Variants in GRIA3 observed in about 807,000 individuals in gnomAD.
GRIA3 encodes the protein glutamate receptor 3.
GRIA3 carries 3 observed loss-of-function variants against 63.0 expected under a neutral mutation model. The observed-to-expected ratio is 0.05, with a 90% CI of 0.02 to 0.12. The LOEUF is 0.12. Ranked by LOEUF, GRIA3 falls within the 10% of genes least tolerant of loss-of-function variation. GRIA3 has a pLI of 1.00. For missense variants in GRIA3, 347 were observed against 700.9 expected (o/e 0.50, Z 5.70); for synonymous variants, 274 against 257.9 (o/e 1.06, Z -0.60).
At chrX:123,487,641 G>T (rs772842449) in intron 15 of GRIA3, among the ~76,000 whole-genome samples, 1 of 112,243 alleles carries the variant, frequency 8.9e-6, no homozygotes, top group African/African-American at 3.2e-5. Context: ...CTGAGAGGTT[G>T]GGTTCCTTTC....
chrX:123,318,632 C>T (rs966647708), intron 3 of GRIA3, among the ~76,000 whole-genome samples: 7 of 111,867 alleles, frequency 6.3e-5, no homozygotes, highest in Non-Finnish European at 1.3e-4. Flanking sequence ...GTGAGACCAC[C>T]TCAGCCTGGA....
intron 3 of GRIA3, among the ~76,000 whole-genome samples, chrX:123,303,327 A>C (rs1439222112): frequency 1.8e-5 from 2 of 110,694 alleles, no homozygotes; most frequent in Non-Finnish European, 3.8e-5. Context: ...ATGAAAGAAC[A>C]CTTCCGAAGA....
intron 5 of GRIA3, among the ~76,000 whole-genome samples, chrX:123,377,828 T>A (rs2045296790): frequency 8.9e-6 from 1 of 111,871 alleles, no homozygotes; most frequent in Admixed American, 9.5e-5. Context: ...TTTATATTGG[T>A]TTCAAGGATT....
At chrX:123,202,620 CT>C in intron 2 of GRIA3, 1 of 1,163,810 alleles carries the variant, frequency 8.6e-7, no homozygotes, top group Non-Finnish European at 1.1e-6. Flanking sequence ...TTCCCCTCAC[CT>C]TGTCACCCCC....
intron 10 of GRIA3, among the ~76,000 whole-genome samples, chrX:123,405,877 C>T (rs2045471006): frequency 8.9e-6 from 1 of 112,277 alleles, no homozygotes; most frequent in Non-Finnish European, 1.9e-5. Flanking sequence ...AGACTATGAA[C>T]TCCTCGAGGA....
chrX:123,253,691 TA>T (rs1359281137), intron 3 of GRIA3, 149 bp downstream of exon 3: 6 of 535,216 alleles, frequency 1.1e-5, no homozygotes, highest in Admixed American at 1.1e-4. Flanking sequence ...AGGTTAAGAT[TA>T]AAAAATAAAA....
At chrX:123,266,843 CT>C (rs1412066218) in intron 3 of GRIA3, among the ~76,000 whole-genome samples, 2 of 110,381 alleles carry the variant, frequency 1.8e-5, no homozygotes, top group Non-Finnish European at 3.8e-5. Context: ...AATACTTTTC[CT>C]TTTTTTAGCA....
intron 5 of GRIA3, among the ~76,000 whole-genome samples, chrX:123,372,227 T>C (rs2045251781): frequency 8.9e-6 from 1 of 111,806 alleles, no homozygotes; most frequent in Admixed American, 9.6e-5. Context: ...TTCTGTTACA[T>C]TGGTCTGTAT....
Position 123,202,320 on chromosome X carries a change from CAGA to C in GRIA3, c.268+16333_268+16335del, listed in dbSNP as rs1228483847. 6.2e-5 allele frequency among the ~76,000 whole-genome samples: 7 copies of C among 112,332 alleles called. No individual in the cohort carries two copies. In the East Asian group the frequency reaches 2.0e-3, roughly 31 times the overall value. On this transcript the variant is annotated intron_variant, in intron 2 of 15. Transcript: ENST00000620443. ...GACAACCTTTTCAACTTCAACAGCA[CAGA>C]AGGTTATTTTCAAAAGAAACAAGAA...
intron 2 of GRIA3, among the ~76,000 whole-genome samples, chrX:123,212,135 A>G: frequency 8.9e-6 from 1 of 112,284 alleles, no homozygotes; most frequent in Middle Eastern, 4.6e-3. Context: ...GACTTCACAC[A>G]GTTAAGTAAA....
chrX:123,451,877 A>G (rs1423982605), intron 12 of GRIA3, among the ~76,000 whole-genome samples: 1 of 111,805 alleles, frequency 8.9e-6, no homozygotes, highest in Non-Finnish European at 1.9e-5. Context: ...AGATGGATAA[A>G]TGAATCTAAA....
chrX:123,193,755 G>A (rs1383044516), intron 2 of GRIA3, among the ~76,000 whole-genome samples: 3 of 112,117 alleles, frequency 2.7e-5, no homozygotes, highest in Admixed American at 9.4e-5. Context: ...AAATGCAAGC[G>A]TGCTATCTGG....
At chrX:123,331,199 T>G (rs2147336189) in intron 4 of GRIA3, among the ~76,000 whole-genome samples, 1 of 111,760 alleles carries the variant, frequency 8.9e-6, no homozygotes, top group African/African-American at 3.2e-5. Flanking sequence ...ATGTATAATT[T>G]CCCCTTGAGA....
At position 123,217,353 on chromosome X, in the gene GRIA3, A is replaced by G. The variant is rs144254765; in HGVS notation, c.268+31363A>G. On this transcript the variant is annotated intron_variant, in intron 2 of 15. Coordinates refer to ENST00000620443, the MANE Select transcript of GRIA3 (RefSeq NM_007325.5). Reference sequence around the variant, plus strand: ...AATGGAGAAGAGGGTGGAGGAAAGAAGCAACAGACAGACAAACTCCCTGTC... The same window carrying G: ...AATGGAGAAGAGGGTGGAGGAAAGAGGCAACAGACAGACAAACTCCCTGTC... Among the ~76,000 whole-genome samples the G allele has an allele frequency of 2.8e-4, 31 of 111,760 alleles. No individual in the cohort carries two copies. In the East Asian group the frequency reaches 8.7e-3, roughly 32 times the overall value.
chrX:123,224,075 G>A (rs1285386135), intron 2 of GRIA3, among the ~76,000 whole-genome samples: 1 of 111,858 alleles, frequency 8.9e-6, no homozygotes, highest in African/African-American at 3.3e-5. Flanking sequence ...TTAGTTTTCA[G>A]TTCTCATTCT....
chrX:123,348,660 T>G (rs1321729032), intron 4 of GRIA3, among the ~76,000 whole-genome samples: 1 of 111,911 alleles, frequency 8.9e-6, no homozygotes, highest in Non-Finnish European at 1.9e-5. Context: ...TATTTACTGT[T>G]GGACCCATGA....
chrX:123,276,656 A>G (rs757300209), intron 3 of GRIA3, among the ~76,000 whole-genome samples: 1 of 112,034 alleles, frequency 8.9e-6, no homozygotes, highest in African/African-American at 3.2e-5. Flanking sequence ...TTACACAGAT[A>G]ATACAACTGG....
At chrX:123,212,931 A>G (rs1259871612) in intron 2 of GRIA3, among the ~76,000 whole-genome samples, 3 of 111,812 alleles carry the variant, frequency 2.7e-5, no homozygotes, top group African/African-American at 9.8e-5. Flanking sequence ...CCCTGGTACC[A>G]GTTCATGACC....
At chrX:123,328,871 C>T (rs192789448) in intron 4 of GRIA3, among the ~76,000 whole-genome samples, 28 of 112,015 alleles carry the variant, frequency 2.5e-4, no homozygotes, top group South Asian at 7.4e-4. Flanking sequence ...ATTTATTTTA[C>T]GAAAATAAAT....
Sources: allele counts gnomAD v4.1 joint callset (sites outside exome capture counted in the v4.1 genomes callset), GRCh38; gene constraint gnomAD v4.1.1; transcripts MANE v1.5; gene names NCBI Gene and HGNC (gene_info 2026-07-23, HGNC 2026-07-21).